BMPER: variants seen among roughly 807,000 people sequenced by gnomAD.
BMPER encodes the protein BMP binding endothelial regulator, also known as BMP-binding endothelial regulator protein.
BMPER carries 45 observed loss-of-function variants against 87.3 expected under a neutral mutation model. The ratio of observed to expected loss-of-function variants is 0.52; its 90% confidence interval spans 0.41 to 0.66. BMPER has a LOEUF of 0.66. BMPER is among the 30% of genes least tolerant of loss of function. BMPER has a pLI of 0.00. For synonymous variants in BMPER, 326 were observed against 316.2 expected (o/e 1.03, Z -0.33); for missense variants, 784 against 867.5 (o/e 0.90, Z 1.21).
intron 13 of BMPER, among the ~76,000 whole-genome samples, chr7:34,109,366 C>T (rs950584411): frequency 3.7e-4 from 57 of 152,334 alleles, no homozygotes; most frequent in African/African-American, 1.3e-3. Context: ...GAGCAACCTG[C>T]TTTACTCAGT....
rs1445900437 is a variant in BMPER at position 33,934,514 on chromosome 7, G to GTT, written c.220-2774_220-2773insTT. 3.3e-5 allele frequency among the ~76,000 whole-genome samples: 4 copies of GTT among 122,588 alleles called. No homozygotes were observed. The East Asian group carries it at 1.0e-3, about 31-fold the overall frequency. The allele number at this position is 122,588 out of a possible 152,430, so 80.4% of individuals were successfully genotyped here. A position where few individuals can be genotyped will look rare whatever the true frequency, so the allele number is the denominator to read the frequency against. ...AGGTTTAGGTTTGTTCTATGTGTGT[G>GTT]TACAAAAAAAAAAAAAAAAAAATCC... is the stretch of plus-strand genomic sequence containing the variant. On this transcript the variant is annotated intron_variant, in intron 2 of 14. Transcript: ENST00000649409.
At chr7:34,101,227 T>A (rs1054458716) in intron 13 of BMPER, among the ~76,000 whole-genome samples, 1 of 152,192 alleles carries the variant, frequency 6.6e-6, no homozygotes, top group Non-Finnish European at 1.5e-5. Context: ...GACGTTTTTT[T>A]CCCATGCTGG....
At chr7:33,975,220 G>A (rs886691335) in intron 6 of BMPER, among the ~76,000 whole-genome samples, 2 of 152,088 alleles carry the variant, frequency 1.3e-5, no homozygotes, top group Non-Finnish European at 2.9e-5. Context: ...GTTCCTCAGG[G>A]GCTGAGGACC....
intron 14 of BMPER, among the ~76,000 whole-genome samples, chr7:34,152,464 A>G (rs1413762500): frequency 6.6e-6 from 1 of 152,216 alleles, no homozygotes; most frequent in African/African-American, 2.4e-5. Flanking sequence ...CAATAAAGAT[A>G]GTAAATTGGC....
In BMPER at chr7:34,153,398, G is replaced by C. The variant is rs559005265; in HGVS notation, c.*125G>C. 4 of 784,934 alleles carry C rather than the reference G, an allele frequency of 5.1e-6. No individual in the cohort carries two copies. Among genetic ancestry groups the C allele is most frequent in the African/African-American group, 3.4e-5 (2 of 58,342 alleles). 48.6% of individuals were successfully genotyped at this position (784,934 alleles called of 1,614,324 possible). The stretch of plus-strand genomic sequence containing the variant: ...ACACACACACACAGAGTATATATGT[G>C]TATATATATATAGATATATTCAAAA... On this transcript the variant is annotated 3_prime_UTR_variant, in exon 15 of 15. Transcript: ENST00000649409.
At chr7:34,113,422 T>G (rs1790032072) in intron 13 of BMPER, among the ~76,000 whole-genome samples, 1 of 151,990 alleles carries the variant, frequency 6.6e-6, no homozygotes, top group Non-Finnish European at 1.5e-5. Flanking sequence ...GCCCCTAGAT[T>G]AAATAAAAAA....
intron 13 of BMPER, among the ~76,000 whole-genome samples, chr7:34,101,376 C>A (rs1186994157): frequency 6.6e-6 from 1 of 152,230 alleles, no homozygotes; most frequent in Admixed American, 6.5e-5. Context: ...AGGCATTTCA[C>A]TTCTTCACGG....
chr7:33,920,111 G>A (rs942284637), intron 2 of BMPER, among the ~76,000 whole-genome samples: 6 of 152,106 alleles, frequency 3.9e-5, no homozygotes, highest in African/African-American at 1.2e-4. Flanking sequence ...TAGTGACAAG[G>A]GGCACACAAT....
At chr7:33,957,853 T>C (rs1785184931) in intron 3 of BMPER, among the ~76,000 whole-genome samples, 1 of 152,202 alleles carries the variant, frequency 6.6e-6, no homozygotes, top group African/African-American at 2.4e-5. Flanking sequence ...CCCTAGTTAA[T>C]CAACCAGAAA....
At chr7:34,089,920 A>T (rs1302216736) in intron 13 of BMPER, among the ~76,000 whole-genome samples, 1 of 152,224 alleles carries the variant, frequency 6.6e-6, no homozygotes, top group Non-Finnish European at 1.5e-5. Context: ...CTTCATAGTA[A>T]TCAATATTTC....
chr7:34,046,545 T>A, intron 7 of BMPER, 140 bp downstream of exon 7: 1 of 872,046 alleles, frequency 1.1e-6, no homozygotes, highest in Non-Finnish European at 1.9e-6. Flanking sequence ...CTCTTCTAAT[T>A]ACAGAAGTGG....
intron 4 of BMPER, among the ~76,000 whole-genome samples, chr7:33,969,595 T>G (rs545507429): frequency 1.3e-5 from 2 of 152,244 alleles, no homozygotes; most frequent in East Asian, 3.9e-4. Context: ...GAGACGGGGT[T>G]TCACTGTGTT....
chr7:34,076,240 A>G (rs1788861379), intron 11 of BMPER, among the ~76,000 whole-genome samples: 1 of 152,296 alleles, frequency 6.6e-6, no homozygotes, highest in African/African-American at 2.4e-5. Context: ...TGCTGCTTCT[A>G]TGACGACTTG....
At chr7:34,061,541 G>A (rs1251747896) in intron 10 of BMPER, among the ~76,000 whole-genome samples, 1 of 152,162 alleles carries the variant, frequency 6.6e-6, no homozygotes, top group African/African-American at 2.4e-5. Flanking sequence ...GATGATTCCT[G>A]AGCTTGGATT....
intron 6 of BMPER, among the ~76,000 whole-genome samples, chr7:34,023,215 T>C (rs1787245054): frequency 6.6e-6 from 1 of 152,074 alleles, no homozygotes; most frequent in African/African-American, 2.4e-5. Flanking sequence ...GATCCACTGC[T>C]GTCACAGTGT....
rs140060669 is a variant in BMPER at position 34,020,739 on chromosome 7, G to C, written c.577-25567G>C. The stretch of plus-strand genomic sequence containing the variant: ...GTTTCCTTAGGGAAGTGTCTGCTGA[G>C]TCCCAGCAGACAAGAGCACCAGTTA... On this transcript the variant is annotated intron_variant, in intron 6 of 14. Coordinates refer to ENST00000649409, the MANE Select transcript of BMPER (RefSeq NM_001365308.1). Among the ~76,000 whole-genome samples the C allele has an allele frequency of 2.3e-4, 35 of 152,062 alleles. 1 individual carries two copies. The East Asian group carries it at 5.9e-3, about 25-fold the overall frequency.
chr7:33,982,062 C>T (rs1785878377), intron 6 of BMPER, among the ~76,000 whole-genome samples: 1 of 152,188 alleles, frequency 6.6e-6, no homozygotes, highest in African/African-American at 2.4e-5. Context: ...GACTGACCTC[C>T]TCCTGCTCCA....
intron 6 of BMPER, among the ~76,000 whole-genome samples, chr7:33,978,192 G>A (rs866122344): frequency 6.6e-6 from 1 of 152,096 alleles, no homozygotes; most frequent in African/African-American, 2.4e-5. Flanking sequence ...CATCACTCCC[G>A]CCATGTAAGG....
At position 34,101,237 on chromosome 7, in the gene BMPER, G is replaced by A. The variant is rs144193887; in HGVS notation, c.1745+15145G>A. Among the ~76,000 whole-genome samples, 203 of 152,288 alleles carry A rather than the reference G, an allele frequency of 1.3e-3. 1 individual carries two copies. Among genetic ancestry groups the A allele is most frequent in the African/African-American group, 4.5e-3 (186 of 41,572 alleles). On this transcript the variant is annotated intron_variant, in intron 13 of 14. Transcript: ENST00000649409. ...ATCACGACGTTTTTTTCCCATGCTG[G>A]AGAAAGGAGTCCAGGTAACTGTTTA...
Sources: gnomAD v4.1 joint callset for allele counts (sites outside exome capture counted in the v4.1 genomes callset) on GRCh38, gnomAD v4.1.1 for gene constraint, MANE v1.5 for transcripts, NCBI Gene and HGNC (gene_info 2026-07-23, HGNC 2026-07-21) for gene names.